The following GPR155 variants were observed in gnomAD, a reference collection of about 807,000 sequenced individuals.
GPR155 encodes lysosomal cholesterol signaling protein.
A neutral mutation model predicts 93.1 loss-of-function variants in GPR155; 65 were observed. That is an observed-to-expected ratio of 0.70 (90% CI 0.57 to 0.86). The LOEUF (loss-of-function observed/expected upper bound fraction) is 0.86, where lower values mean the gene tolerates loss of function less well. GPR155 is among the 40% of genes least tolerant of loss of function. The probability of loss-of-function intolerance (pLI) is 0.00; values close to 1 mark genes in which losing one functional copy is unlikely to be tolerated. For synonymous variants in GPR155, 319 were observed against 360.1 expected (o/e 0.89, Z 1.29); for missense variants, 838 against 1,034.8 (o/e 0.81, Z 2.61).
In GPR155 at chr2:174,433,396, A is replaced by T. The variant is rs1299006901; in HGVS notation, c.*2720T>A. On this transcript the variant is annotated 3_prime_UTR_variant, in exon 16 of 16. Coordinates refer to ENST00000392552, the MANE Select transcript of GPR155 (RefSeq NM_152529.7). ...TTTTTCACAGGAGAATAGAAGCTCC[A>T]TGAGGATAGGAATCATATTTGTTCC... The T allele has an allele frequency of 1.3e-5, 2 of 152,236 alleles. No homozygotes were observed. The highest frequency in any genetic ancestry group is 2.4e-5 in the African/African-American group (1 of 41,464). 9.4% of individuals were successfully genotyped at this position (152,236 alleles called of 1,614,324 possible).
chr2:174,474,985 G>A (rs1291663852), intron 2 of GPR155, among the ~76,000 whole-genome samples: 5 of 152,076 alleles, frequency 3.3e-5, no homozygotes, highest in African/African-American at 4.8e-5. Context: ...AGAGGCAAAC[G>A]TGAAAACATG....
chr2:174,470,779 C>CA (rs1368590740), intron 3 of GPR155, among the ~76,000 whole-genome samples: 1 of 152,146 alleles, frequency 6.6e-6, no homozygotes, highest in East Asian at 1.9e-4. Flanking sequence ...ATACCTCACA[C>CA]ATCAGGGATT....
intron 11 of GPR155, among the ~76,000 whole-genome samples, chr2:174,451,748 C>T (rs4972440): frequency 0.75 from 113,455 of 151,634 alleles, 43,639 homozygotes; most frequent in Middle Eastern, 0.84. Flanking sequence ...TGGGCTCAAG[C>T]GATCCTCCCA....
chr2:174,472,901 T>G, intron 3 of GPR155, 64 bp downstream of exon 3: 1 of 1,303,164 alleles, frequency 7.7e-7, no homozygotes, highest in Non-Finnish European at 1.1e-6. Flanking sequence ...GACATACCCC[T>G]GATGAATTGG....
In GPR155 at chr2:174,431,951, C is replaced by T. The variant is rs1686654824; in HGVS notation, c.*4165G>A. On this transcript the variant is annotated 3_prime_UTR_variant, in exon 16 of 16. Coordinates refer to ENST00000392552, the MANE Select transcript of GPR155 (RefSeq NM_152529.7). ...CATTGAGAGTTAAGAAAACAATTGA[C>T]TATGCTGAAGAAAAAGAGATAGGTT... 6.6e-6 allele frequency: 1 copy of T among 152,134 alleles called. No individual in the cohort carries two copies. The highest frequency in any genetic ancestry group is 2.1e-4 in the South Asian group (1 of 4,832). The allele number at this position is 152,134 out of a possible 1,614,324, so 9.4% of individuals were successfully genotyped here.
intron 13 of GPR155, among the ~76,000 whole-genome samples, chr2:174,444,052 A>C (rs1687041637): frequency 6.6e-6 from 1 of 152,114 alleles, no homozygotes; most frequent in Non-Finnish European, 1.5e-5. Flanking sequence ...ATACCACATG[A>C]TTTTTCTTTT....
chr2:174,476,961 T>C (rs953402133), intron 2 of GPR155, among the ~76,000 whole-genome samples: 1 of 152,178 alleles, frequency 6.6e-6, no homozygotes, highest in African/African-American at 2.4e-5. Flanking sequence ...AATTCTAAGT[T>C]CCTTGAAAGC....
intron 4 of GPR155, 52 bp downstream of exon 4, chr2:174,470,338 A>C (rs768795195): frequency 2.7e-5 from 38 of 1,385,018 alleles, no homozygotes; most frequent in Non-Finnish European, 3.7e-5. Flanking sequence ...TGAATTTAAA[A>C]ATTTTTTTCG....
At chr2:174,484,433 TTAA>T (rs1688415939) in intron 1 of GPR155, among the ~76,000 whole-genome samples, 1 of 152,228 alleles carries the variant, frequency 6.6e-6, no homozygotes, top group Non-Finnish European at 1.5e-5. Flanking sequence ...GCCTAGAGTA[TTAA>T]TAACTCATTC....
chr2:174,457,885 G>C (rs570329317), intron 10 of GPR155, among the ~76,000 whole-genome samples: 1 of 152,288 alleles, frequency 6.6e-6, no homozygotes, highest in Non-Finnish European at 1.5e-5. Context: ...TGAGTAGCTA[G>C]GACTACAGGT....
chr2:174,481,921 A>G lies in GPR155; in HGVS notation c.36T>C (p.Ile12=), dbSNP rs1469090350. The change falls in exon 2 of 16, where the codon ATT becomes ATC. Residue 12 remains isoleucine, a synonymous_variant. Transcript: ENST00000392552. ...GCAAAGTCTTGGTCATATTGACTGCAATGGTTAAGTTCTCTGCAGGTAAAT... is the reference window on the plus strand; with the variant it reads ...GCAAAGTCTTGGTCATATTGACTGCGATGGTTAAGTTCTCTGCAGGTAAAT... ...NSNLPAENLT[I]AVNMTKTLPT... 1 of 1,613,904 alleles carries G rather than the reference A, an allele frequency of 6.2e-7. No homozygotes were observed. The highest frequency in any genetic ancestry group is 1.6e-4 in the Middle Eastern group (1 of 6,062).
chr2:174,448,631 G>A (rs1267211916), intron 11 of GPR155, among the ~76,000 whole-genome samples: 7 of 144,126 alleles, frequency 4.9e-5, no homozygotes, highest in East Asian at 2.2e-4. Flanking sequence ...TCCGCTTCCC[G>A]GGTTCACGCC....
rs1686677045 is a variant in GPR155 at position 174,432,906 on chromosome 2, G to A, written c.*3210C>T. The A allele has an allele frequency of 6.6e-6, 1 of 151,564 alleles. No individual in the cohort carries two copies. Among genetic ancestry groups the A allele is most frequent in the African/African-American group, 2.4e-5 (1 of 41,222 alleles). 9.4% of individuals were successfully genotyped at this position (151,564 alleles called of 1,614,324 possible). A position where few individuals can be genotyped will look rare whatever the true frequency, so the allele number is the denominator to read the frequency against. ...AGCCTCCCGAGTAGCTGGGACTATA[G>A]GTGCCCACCACCACGTCTGGCTAAT... is the stretch of plus-strand genomic sequence containing the variant. On this transcript the variant is annotated 3_prime_UTR_variant, in exon 16 of 16. Coordinates refer to ENST00000392552, the MANE Select transcript of GPR155 (RefSeq NM_152529.7).
rs755649617 is a variant in GPR155, at chr2:174,459,873, C to T, written c.1771+5G>A. On this transcript the variant is annotated splice_donor_5th_base_variant and intron_variant, in intron 10 of 15. Transcript: ENST00000392552. ...TAAATAAAAATAAAATTAAAAAGAT[C>T]ATACTTGTTTCTGGAATAGAGCTTG... 52 of 1,582,314 alleles carry T rather than the reference C, an allele frequency of 3.3e-5. No individual in the cohort carries two copies. Among genetic ancestry groups the T allele is most frequent in the Non-Finnish European group, 4.1e-5 (47 of 1,152,494 alleles).
intron 12 of GPR155, among the ~76,000 whole-genome samples, chr2:174,445,993 C>A (rs906167920): frequency 2.6e-5 from 4 of 151,550 alleles, no homozygotes; most frequent in Non-Finnish European, 5.9e-5. Flanking sequence ...GAATAAGTGG[C>A]CCTGTGTACA....
intron 7 of GPR155, among the ~76,000 whole-genome samples, chr2:174,462,240 G>T (rs1465749385): frequency 6.6e-6 from 1 of 152,002 alleles, no homozygotes; most frequent in African/African-American, 2.4e-5. Context: ...GTCTGGAGAA[G>T]TATTTCTCTC....
chr2:174,457,859 T>G (rs1687566171), intron 10 of GPR155, among the ~76,000 whole-genome samples: 1 of 152,168 alleles, frequency 6.6e-6, no homozygotes. Context: ...CAAGCAATCC[T>G]CCTGCCTCAG....
At chr2:174,458,003 CT>C (rs1375533965) in intron 10 of GPR155, among the ~76,000 whole-genome samples, 1 of 152,248 alleles carries the variant, frequency 6.6e-6, no homozygotes, top group South Asian at 2.1e-4. Flanking sequence ...TTCCAAAGTG[CT>C]GGGGTTACAG....
chr2:174,461,569 C>T lies in GPR155; in HGVS notation c.1469+19G>A, dbSNP rs1409057561. 1 of 1,578,338 alleles carries T rather than the reference C, an allele frequency of 6.3e-7. No homozygotes were observed. The highest frequency in any genetic ancestry group is 8.7e-7 in the Non-Finnish European group (1 of 1,147,698). ...GTCTATATGGAAAGGTGTAAGCAAA[C>T]AGAGAACTACCAACTTACCCCCAGC... On this transcript the variant is annotated intron_variant, in intron 8 of 15. Transcript: ENST00000392552.
Sources: allele counts gnomAD v4.1 joint callset (sites outside exome capture counted in the v4.1 genomes callset), GRCh38; gene constraint gnomAD v4.1.1; transcripts MANE v1.5; gene names NCBI Gene and HGNC (gene_info 2026-07-23, HGNC 2026-07-21).